Variants in AGAP1 observed in about 807,000 individuals in gnomAD.
AGAP1 encodes arf-GAP with GTPase, ANK repeat and PH domain-containing protein 1.
A neutral mutation model predicts 105.3 loss-of-function variants in AGAP1; 29 were observed. That is an observed-to-expected ratio of 0.28 (90% CI 0.21 to 0.38). The LOEUF (loss-of-function observed/expected upper bound fraction) is 0.38. Among genes scored for constraint, AGAP1 ranks in the 10% least tolerant of loss-of-function variants. The pLI, the probability that AGAP1 is intolerant of heterozygous loss-of-function variation, is 1.00. For missense variants in AGAP1, 998 were observed against 1,165.1 expected (o/e 0.86, Z 2.09); for synonymous variants, 509 against 485.9 (o/e 1.05, Z -0.63).
intron 1 of AGAP1, among the ~76,000 whole-genome samples, chr2:235,688,545 C>T (rs1476262975): frequency 6.6e-6 from 1 of 152,128 alleles, no homozygotes; most frequent in Non-Finnish European, 1.5e-5. Context: ...CAGAAAAAGC[C>T]AGATCCTGCC....
chr2:235,987,139 A>G (rs569060623), intron 13 of AGAP1, among the ~76,000 whole-genome samples: 6 of 145,294 alleles, frequency 4.1e-5, no homozygotes, highest in African/African-American at 1.0e-4. Flanking sequence ...TTATTTATTT[A>G]TTGGTTGGTA....
chr2:235,687,291 A>G (rs10188236), intron 1 of AGAP1, among the ~76,000 whole-genome samples: 114,314 of 152,130 alleles, frequency 0.75, 44,174 homozygotes, highest in African/African-American at 0.94. Context: ...TGAAGTCTAA[A>G]GTAGATATTG....
chr2:235,519,100 T>C (rs1942515687), intron 1 of AGAP1, among the ~76,000 whole-genome samples: 1 of 152,164 alleles, frequency 6.6e-6, no homozygotes, highest in Admixed American at 6.5e-5. Context: ...TGAGACAGGG[T>C]CTCACTCTGT....
At chr2:235,810,630 T>TC (rs991846771) in intron 9 of AGAP1, among the ~76,000 whole-genome samples, 2 of 152,176 alleles carry the variant, frequency 1.3e-5, no homozygotes, top group East Asian at 1.9e-4. Flanking sequence ...GCATCCAGGC[T>TC]CCCCCCACCT....
chr2:235,873,675 C>G (rs2049555567), intron 9 of AGAP1, among the ~76,000 whole-genome samples: 1 of 152,202 alleles, frequency 6.6e-6, no homozygotes, highest in Non-Finnish European at 1.5e-5. Flanking sequence ...TGTGGGAAGG[C>G]CAGTGCCGCT....
chr2:235,939,022 A>C (rs1376850461), intron 12 of AGAP1, among the ~76,000 whole-genome samples: 2 of 152,214 alleles, frequency 1.3e-5, no homozygotes, highest in African/African-American at 2.4e-5. Context: ...AAGCTCTTTC[A>C]GAGGGACCTG....
At chr2:236,026,286 A>G (rs538957618) in intron 13 of AGAP1, among the ~76,000 whole-genome samples, 1 of 152,322 alleles carries the variant, frequency 6.6e-6, no homozygotes, top group South Asian at 2.1e-4. Flanking sequence ...GCCAACATAG[A>G]TGGGGCCATC....
intron 1 of AGAP1, among the ~76,000 whole-genome samples, chr2:235,563,990 C>T (rs1390627253): frequency 6.6e-6 from 1 of 152,090 alleles, no homozygotes. Context: ...TCCTCAGATG[C>T]CTCCTGGAGC....
chr2:236,010,106 A>C (rs2056458317), intron 13 of AGAP1, among the ~76,000 whole-genome samples: 1 of 139,036 alleles, frequency 7.2e-6, no homozygotes, highest in Non-Finnish European at 1.5e-5. Flanking sequence ...AGGCATTCAC[A>C]TGTGTTAGTA....
At chr2:235,923,617 G>A (rs1202250796) in intron 11 of AGAP1, among the ~76,000 whole-genome samples, 1 of 149,416 alleles carries the variant, frequency 6.7e-6, no homozygotes, top group Admixed American at 6.9e-5. Context: ...TGGCACTCTC[G>A]TGCTTGTCTC....
At chr2:235,597,472 CCT>C (rs1198041862) in intron 1 of AGAP1, among the ~76,000 whole-genome samples, 1 of 152,212 alleles carries the variant, frequency 6.6e-6, no homozygotes, top group Non-Finnish European at 1.5e-5. Context: ...TTCCTTTTTC[CCT>C]GTCTCCTGAG....
chr2:235,536,208 CCT>C (rs1943215871), intron 1 of AGAP1, among the ~76,000 whole-genome samples: 1 of 56,548 alleles, frequency 1.8e-5, no homozygotes, highest in African/African-American at 1.1e-4. Flanking sequence ...TGTGTGGCAT[CCT>C]ACACACACAC....
chr2:236,094,560 C>A (rs533939063), intron 16 of AGAP1, among the ~76,000 whole-genome samples: 1 of 151,996 alleles, frequency 6.6e-6, no homozygotes, highest in African/African-American at 2.4e-5. Flanking sequence ...CCGTGTTGTT[C>A]AGGCTGGTCT....
At chr2:236,094,962 A>C (rs1418914070) in intron 16 of AGAP1, among the ~76,000 whole-genome samples, 1 of 147,556 alleles carries the variant, frequency 6.8e-6, no homozygotes, top group Non-Finnish European at 1.5e-5. Flanking sequence ...AGCCTGGTGC[A>C]GCGGCGCATG....
chr2:235,810,209 A>G (rs911373894), intron 9 of AGAP1, among the ~76,000 whole-genome samples: 1 of 152,244 alleles, frequency 6.6e-6, no homozygotes, highest in Non-Finnish European at 1.5e-5. Flanking sequence ...CTCCAGGGAT[A>G]ACACAGCCCT....
At chr2:235,597,743 C>T (rs1945575396) in intron 1 of AGAP1, among the ~76,000 whole-genome samples, 1 of 150,028 alleles carries the variant, frequency 6.7e-6, no homozygotes, top group East Asian at 2.0e-4. Flanking sequence ...AGCGTGCACG[C>T]GCTCCCGTGT....
intron 6 of AGAP1, among the ~76,000 whole-genome samples, chr2:235,780,026 G>T (rs561152993): frequency 6.6e-6 from 1 of 152,130 alleles, no homozygotes; most frequent in Admixed American, 6.5e-5. Flanking sequence ...TTGATGAAGC[G>T]GTTCATGCAA....
chr2:235,990,940 G>A (rs577859447), intron 13 of AGAP1, among the ~76,000 whole-genome samples: 1 of 152,316 alleles, frequency 6.6e-6, no homozygotes, highest in African/African-American at 2.4e-5. Flanking sequence ...TTCTGCAAAG[G>A]CAGCCAAGCA....
chr2:235,944,798 G>T (rs1349384985), intron 12 of AGAP1, among the ~76,000 whole-genome samples: 2 of 152,132 alleles, frequency 1.3e-5, no homozygotes, highest in African/African-American at 2.4e-5. Context: ...AGACAGGCGG[G>T]TCAGGCCCCC....
Sources: allele counts gnomAD v4.1 joint callset (sites outside exome capture counted in the v4.1 genomes callset), GRCh38; gene constraint gnomAD v4.1.1; transcripts MANE v1.5; gene names NCBI Gene and HGNC (gene_info 2026-07-23, HGNC 2026-07-21).